The following MPZ variants were observed in gnomAD, a reference collection of about 807,000 sequenced individuals.
The protein encoded by MPZ is myelin protein zero, also known as myelin protein P0.
MPZ carries 13 observed loss-of-function variants against 27.9 expected under a neutral mutation model. The observed-to-expected ratio is 0.47, with a 90% confidence interval of 0.30 to 0.74. MPZ has a LOEUF of 0.74. MPZ is among the 30% of genes least tolerant of loss of function. The pLI is 0.06. For missense variants in MPZ, 256 were observed against 317.5 expected (o/e 0.81, Z 1.47); for synonymous variants, 118 against 128.9 (o/e 0.92, Z 0.57).
intron 3 of MPZ, 44 bp from the exon 4 acceptor site, chr1:161,306,508 G>GT: frequency 1.9e-6 from 3 of 1,613,488 alleles, no homozygotes; most frequent in Non-Finnish European, 2.5e-6. Context: ...GCAGGGCCCT[G>GT]TATCTGTGGT....
At position 161,307,313 on chromosome 1, in the gene MPZ, T is replaced by C; in HGVS notation, c.179A>G (p.Asp60Gly). Residue 60 changes from aspartate to glycine, a missense_variant, in exon 2 of 6, where the codon GAT becomes GGT. Asp to Gly is a moderately conservative substitution (Grantham distance 94, BLOSUM62 -1). This residue lies in a region of MPZ where 155 missense variants were observed against 223.9 expected (regional missense o/e 0.69). Coordinates refer to ENST00000533357, the MANE Select transcript of MPZ (RefSeq NM_000530.8). ...GTAGCGCCAGGTGAAGGAGATGTCA[T>C]CTGAGACCCACTCACTGGACCAGAA... ...CSFWSSEWVS[D>G]DISFTWRYQP... is the part of the protein sequence containing the mutation. The C allele has an allele frequency of 6.2e-7, 1 of 1,614,256 alleles. No individual in the cohort carries two copies.
chr1:161,306,650 C>T, intron 3 of MPZ, 58 bp downstream of exon 3: 1 of 1,582,634 alleles, frequency 6.3e-7, no homozygotes, highest in Admixed American at 1.7e-5. Flanking sequence ...ACCTATCAGT[C>T]CTCCCTGATC....
rs1261999242 is a variant in MPZ, at chr1:161,306,434, G to C, written c.479C>G (p.Ala160Gly). The change falls in exon 4 of 6, where the codon GCT (alanine) becomes GGT (glycine). Residue 160 changes from alanine (A) to glycine (G), a missense_variant. Physicochemically the swap from Ala to Gly is moderately conservative, Grantham distance 60 (BLOSUM62 0). This residue lies in a region of MPZ where 155 missense variants were observed against 223.9 expected (regional missense o/e 0.69). Coordinates refer to ENST00000533357, the MANE Select transcript of MPZ (RefSeq NM_000530.8). ...CACCCCGAGGACACCCCCGATCACAGCTCCCAGAACGACCCCGTACCTAGT... is the reference window on the plus strand; with the variant it reads ...CACCCCGAGGACACCCCCGATCACACCTCCCAGAACGACCCCGTACCTAGT... The part of the protein sequence containing the change: ...VPTRYGVVLG[A>G]VIGGVLGVVL... 4.3e-6 allele frequency: 7 copies of C among 1,614,096 alleles called. No homozygotes were observed. Among genetic ancestry groups the C allele is most frequent in the Non-Finnish European group, 5.9e-6 (7 of 1,180,054 alleles).
rs1670363717 is a variant in MPZ, at chr1:161,309,915, AG to A, written c.-11del. 1 of 1,580,362 alleles carries A rather than the reference AG, an allele frequency of 6.3e-7. No homozygotes were observed. Among genetic ancestry groups the A allele is most frequent in the Non-Finnish European group, 8.6e-7 (1 of 1,163,046 alleles). Reference sequence around the variant, plus strand: ...GAGCCCCAGGAGCCATAGCTGGGGCAGGGGCAGGGGCCCGGAGCATCTGTGG... The same window carrying A: ...GAGCCCCAGGAGCCATAGCTGGGGCAGGGCAGGGGCCCGGAGCATCTGTGG... On this transcript the variant is annotated 5_prime_UTR_variant, in exon 1 of 6. Coordinates refer to ENST00000533357, the MANE Select transcript of MPZ (RefSeq NM_000530.8).
chr1:161,305,837 C>A lies in MPZ; in HGVS notation c.*39G>T, dbSNP rs1205740753. 2 of 1,474,564 alleles carry A rather than the reference C, an allele frequency of 1.4e-6. No homozygotes were observed. The highest frequency in any genetic ancestry group is 4.5e-5 in the East Asian group (2 of 44,256). The allele number at this position is 1,474,564 out of a possible 1,614,324, so 91.3% of individuals were successfully genotyped here. On this transcript the variant is annotated 3_prime_UTR_variant, in exon 6 of 6. Transcript: ENST00000533357. Reference sequence around the variant, plus strand: ...TCACCTTTGGGCCTTTGGCGGACTCCACCCCTAACCCCCGATCCCCCGCCC... The same window carrying A: ...TCACCTTTGGGCCTTTGGCGGACTCAACCCCTAACCCCCGATCCCCCGCCC...
intron 1 of MPZ, among the ~76,000 whole-genome samples, chr1:161,307,851 C>T (rs1043481467): frequency 2.0e-5 from 3 of 152,172 alleles, no homozygotes; most frequent in Non-Finnish European, 4.4e-5. Context: ...ACAAAAGTCT[C>T]CTTTGACACT....
At chr1:161,309,230 A>G (rs1670334581) in intron 1 of MPZ, among the ~76,000 whole-genome samples, 1 of 152,194 alleles carries the variant, frequency 6.6e-6, no homozygotes, top group Non-Finnish European at 1.5e-5. Context: ...AGGAGCTGAG[A>G]CCACAAACCT....
chr1:161,309,483 T>C (rs1670342782), intron 1 of MPZ, among the ~76,000 whole-genome samples: 1 of 150,728 alleles, frequency 6.6e-6, no homozygotes, highest in Admixed American at 6.6e-5. Context: ...TTACCCTTTC[T>C]TTTAAAATAA....
At position 161,306,383 on chromosome 1, in the gene MPZ, T is replaced by G. The variant is rs573456055; in HGVS notation, c.530A>C (p.Tyr177Ser). 6.2e-7 allele frequency: 1 copy of G among 1,613,942 alleles called. No individual in the cohort carries two copies. Residue 177 changes from tyrosine (Y) to serine (S), a missense_variant, in exon 4 of 6, where the codon TAC becomes TCC. Coordinates refer to ENST00000533357, the MANE Select transcript of MPZ (RefSeq NM_000530.8). ...GVVLLLLLLF[Y>S]VVRYCWLRRQ... ...GCGTAGCCAGCAGTACCGAACCACG[T>G]AGAAAAGCAGCAGCAGCAACAGCAC...
downstream of MPZ, among the ~76,000 whole-genome samples, chr1:161,304,508 A>G (rs535299448): frequency 5.3e-5 from 8 of 152,310 alleles, no homozygotes; most frequent in Admixed American, 5.2e-4. Context: ...AACTCATGTA[A>G]AAGCAGAGAC....
At position 161,306,215 on chromosome 1, in the gene MPZ, T is replaced by C. The variant is rs367766459; in HGVS notation, c.585-47A>G. The C allele has an allele frequency of 3.1e-6, 5 of 1,612,746 alleles. No individual in the cohort carries two copies. The South Asian group carries it at 3.3e-5, about 11-fold the overall frequency. On this transcript the variant is annotated intron_variant, in intron 4 of 5. Transcript: ENST00000533357. The stretch of plus-strand genomic sequence containing the variant: ...TACGTTTGGCCTCGCCGGAACCCCT[T>C]GCACCGCGGACACAGCTTCCTCTTC...
chr1:161,309,552 A>ATATTTTTTTTTTTTTTTTTTTTTTTTTT, intron 1 of MPZ, among the ~76,000 whole-genome samples: 10 of 80,664 alleles, frequency 1.2e-4, no homozygotes, highest in South Asian at 3.8e-4. Context: ...ATATATATAT[A>ATATTTTTTTTTTTTTTTTTTTTTTTTTT]TTTTTTTTTT....
At chr1:161,306,011 G>A (rs768717574) in intron 5 of MPZ, 34 bp from the exon 6 acceptor site, 3 of 1,609,160 alleles carry the variant, frequency 1.9e-6, no homozygotes, top group Non-Finnish European at 2.6e-6. Flanking sequence ...GTCACCGAGC[G>A]ACTGGGGCTT....
Position 161,309,552 on chromosome 1 carries a change from A to ATATATTTTTTTTTTT in MPZ, c.67+286_67+287insAAAAAAAAAAATATA. On this transcript the variant is annotated intron_variant, in intron 1 of 5. Transcript: ENST00000533357. ...TTTCTTTTCATATATATATATATAT[A>ATATATTTTTTTTTTT]TTTTTTTTTTTTTTGAATTTTACAG... Among the ~76,000 whole-genome samples, 85 of 80,620 alleles carry ATATATTTTTTTTTTT rather than the reference A, an allele frequency of 1.1e-3. 1 individual carries two copies. Among genetic ancestry groups the ATATATTTTTTTTTTT allele is most frequent in the African/African-American group, 2.7e-3 (46 of 17,322 alleles). 52.9% of individuals were successfully genotyped at this position (80,620 alleles called of 152,430 possible). A position where few individuals can be genotyped will look rare whatever the true frequency, so the allele number is the denominator to read the frequency against.
chr1:161,307,014 CAAAAAAAA>C (rs34621933), intron 2 of MPZ, 93 bp from the exon 3 acceptor site: 54 of 232,414 alleles, frequency 2.3e-4, no homozygotes, highest in South Asian at 1.0e-3. Flanking sequence ...AAGAAAAAAG[CAAAAAAAA>C]AAAAAAAAAA....
rs1223343518 is a variant in MPZ at position 161,305,697 on chromosome 1, T to C, written c.*179A>G. 5.0e-6 allele frequency: 3 copies of C among 597,650 alleles called. No individual in the cohort carries two copies. Among genetic ancestry groups the C allele is most frequent in the African/African-American group, 3.7e-5 (2 of 53,734 alleles). 37.0% of individuals were successfully genotyped at this position (597,650 alleles called of 1,614,324 possible). A position where few individuals can be genotyped will look rare whatever the true frequency, so the allele number is the denominator to read the frequency against. Reference sequence around the variant, plus strand: ...GGGGGGTGGCGATCACTTGTCCGAGTTCAGGCCCATCATGTTCTTGAGGGC... The same window carrying C: ...GGGGGGTGGCGATCACTTGTCCGAGCTCAGGCCCATCATGTTCTTGAGGGC... On this transcript the variant is annotated 3_prime_UTR_variant, in exon 6 of 6. Coordinates refer to ENST00000533357, the MANE Select transcript of MPZ (RefSeq NM_000530.8).
At position 161,305,272 on chromosome 1, in the gene MPZ, GGGGGACAGA is replaced by G. The variant is rs1670202063; in HGVS notation, c.*595_*603del. 1 of 154,040 alleles carries G rather than the reference GGGGGACAGA, an allele frequency of 6.5e-6. No individual in the cohort carries two copies. The highest frequency in any genetic ancestry group is 6.5e-5 in the Admixed American group (1 of 15,382). The allele number at this position is 154,040 out of a possible 1,614,324, so 9.5% of individuals were successfully genotyped here. A position where few individuals can be genotyped will look rare whatever the true frequency, so the allele number is the denominator to read the frequency against. On this transcript the variant is annotated 3_prime_UTR_variant, in exon 6 of 6. Coordinates refer to ENST00000533357, the MANE Select transcript of MPZ (RefSeq NM_000530.8). ...ATCTGGGTGCTCTGGGTATTAGCTG[GGGGGACAGA>G]GTATGGAGCTGGGCCACCTGGTAGA... is the stretch of plus-strand genomic sequence containing the variant.
intron 2 of MPZ, 134 bp downstream of exon 2, chr1:161,307,124 G>C (rs1670278982): frequency 8.2e-7 from 1 of 1,225,098 alleles, no homozygotes. Context: ...GGGTGACAAA[G>C]ACTGTCATTT....
Position 161,305,977 on chromosome 1 carries a change from T to A in MPZ, c.646A>T (p.Thr216Ser). ...TCCAGCATTGCATACAGCACTGGCG[T>A]CTGGGGGAGGGGCGCACACATCAGT... ...GKDASKRGRQ[T>S]PVLYAMLDHS... Residue 216 changes from threonine (T) to serine (S), a missense_variant and splice_region_variant, in exon 6 of 6, where the codon ACG becomes TCG. By Grantham distance (58) the Thr-to-Ser change is moderately conservative. Around this residue, in one of 2 missense-constraint regions of MPZ, gnomAD observed 101 missense variants for 93.6 expected, o/e 1.08. Coordinates refer to ENST00000533357, the MANE Select transcript of MPZ (RefSeq NM_000530.8). 1 of 1,613,882 alleles carries A rather than the reference T, an allele frequency of 6.2e-7. No homozygotes were observed. Among genetic ancestry groups the A allele is most frequent in the Non-Finnish European group, 8.5e-7 (1 of 1,179,860 alleles).
Sources: gnomAD v4.1 joint callset for allele counts (sites outside exome capture counted in the v4.1 genomes callset) on GRCh38, gnomAD v4.1.1 for gene constraint, gnomAD v4.1.1 regional missense constraint, MANE v1.5 for transcripts, NCBI Gene and HGNC (gene_info 2026-07-23, HGNC 2026-07-21) for gene names.